GATAD2A: variants seen among roughly 807,000 people sequenced by gnomAD.
GATAD2A encodes GATA zinc finger domain containing 2A, also known as transcriptional repressor p66-alpha.
A neutral mutation model predicts 68.5 loss-of-function variants in GATAD2A; 12 were observed. The ratio of observed to expected loss-of-function variants is 0.18; its 90% CI spans 0.11 to 0.28. GATAD2A has a LOEUF of 0.28. GATAD2A is among the 10% of genes least tolerant of loss of function. GATAD2A has a pLI of 1.00. For synonymous variants in GATAD2A, 410 were observed against 375.3 expected, an observed-to-expected ratio of 1.09 and a Z score of -1.07; for missense variants, 755 against 868.5, an observed-to-expected ratio of 0.87 and a Z score of 1.64.
intron 1 of GATAD2A, among the ~76,000 whole-genome samples, chr19:19,431,480 C>T (rs566467404): frequency 6.0e-4 from 90 of 150,736 alleles, no homozygotes; most frequent in African/African-American, 1.9e-3. Context: ...TGGAACACAA[C>T]GTAAGGAGTT....
intron 2 of GATAD2A, among the ~76,000 whole-genome samples, chr19:19,486,236 A>G (rs1488392413): frequency 1.3e-5 from 2 of 152,242 alleles, no homozygotes; most frequent in Admixed American, 6.5e-5. Flanking sequence ...CAGGTCAGGC[A>G]GATGTTTCAG....
At chr19:19,469,449 G>GAAAA (rs1379967861) in intron 2 of GATAD2A, among the ~76,000 whole-genome samples, 1 of 130,158 alleles carries the variant, frequency 7.7e-6, no homozygotes, top group Non-Finnish European at 1.7e-5. Flanking sequence ...AAGAAAAAAA[G>GAAAA]ATCATCAGAA....
intron 1 of GATAD2A, among the ~76,000 whole-genome samples, chr19:19,432,777 A>T (rs919556496): frequency 2.6e-5 from 4 of 152,236 alleles, no homozygotes; most frequent in African/African-American, 9.6e-5. Flanking sequence ...CAGAGTGAGC[A>T]GGCTGAAGTG....
upstream of GATAD2A, among the ~76,000 whole-genome samples, chr19:19,401,466 G>A (rs2049742898): frequency 6.6e-6 from 1 of 151,986 alleles, no homozygotes; most frequent in South Asian, 2.1e-4. Context: ...ACCCTCCTTG[G>A]CCTCCCAAAG....
chr19:19,465,739 G>T, intron 2 of GATAD2A, 125 bp downstream of exon 2: 1 of 1,138,432 alleles, frequency 8.8e-7, no homozygotes, highest in Non-Finnish European at 1.2e-6. Context: ...AGGGCTGTAG[G>T]CTCAGCTCGG....
chr19:19,470,657 G>C, intron 2 of GATAD2A, among the ~76,000 whole-genome samples: 1 of 152,084 alleles, frequency 6.6e-6, no homozygotes, highest in East Asian at 1.9e-4. Context: ...AGAATACCTG[G>C]TGAATGCAGA....
intron 1 of GATAD2A, among the ~76,000 whole-genome samples, chr19:19,437,256 G>C (rs1041148195): frequency 3.3e-5 from 5 of 152,096 alleles, no homozygotes; most frequent in Non-Finnish European, 7.3e-5. Flanking sequence ...TCAGGCTCCT[G>C]AATAGCTGGG....
At chr19:19,439,498 G>A (rs189564442) in intron 1 of GATAD2A, among the ~76,000 whole-genome samples, 34 of 152,158 alleles carry the variant, frequency 2.2e-4, no homozygotes, top group South Asian at 2.1e-3. Flanking sequence ...AGGTAGTGCC[G>A]TGGTAGTTGC....
chr19:19,498,716 A>G lies in GATAD2A; in HGVS notation c.1198A>G (p.Thr400Ala). 6.2e-7 allele frequency: 1 copy of G among 1,606,706 alleles called. No individual in the cohort carries two copies. Among genetic ancestry groups the G allele is most frequent in the African/African-American group, 1.3e-5 (1 of 74,932 alleles). ...GGAGGTGGTGCAGAACCTACTGGAG[A>G]CACAAGGTGAGTGGCCTGGACCCAG... is the stretch of plus-strand genomic sequence containing the variant. ...LEEVVQNLLE[T>A]QAGRMSAATV... The change falls in exon 8 of 12, where the codon ACA (threonine) becomes GCA (alanine). Residue 400 changes from threonine to alanine, a missense_variant. Physicochemically the swap from Thr to Ala is moderately conservative, Grantham distance 58. Coordinates refer to ENST00000683918, the MANE Select transcript of GATAD2A (RefSeq NM_001384528.1).
chr19:19,425,904 G>A (rs1346615785), intron 1 of GATAD2A, among the ~76,000 whole-genome samples: 2 of 151,670 alleles, frequency 1.3e-5, no homozygotes, highest in Admixed American at 1.3e-4. Flanking sequence ...ATCTTCCCAT[G>A]TCAGCCTCTA....
chr19:19,496,537 C>T (rs537945253), intron 7 of GATAD2A, among the ~76,000 whole-genome samples: 3 of 152,348 alleles, frequency 2.0e-5, no homozygotes, highest in South Asian at 4.1e-4. Context: ...ATGTGGCACA[C>T]AGCAGGTTTA....
intron 1 of GATAD2A, among the ~76,000 whole-genome samples, chr19:19,410,099 G>A (rs577128620): frequency 2.6e-5 from 4 of 152,136 alleles, no homozygotes; most frequent in Admixed American, 6.5e-5. Flanking sequence ...TCCTCTGTAC[G>A]CTGTACCCCC....
intron 1 of GATAD2A, among the ~76,000 whole-genome samples, chr19:19,443,402 A>T (rs1466449073): frequency 6.6e-6 from 1 of 152,224 alleles, no homozygotes; most frequent in African/African-American, 2.4e-5. Flanking sequence ...CTCTTTGAGC[A>T]TACGATTGTG....
chr19:19,435,505 G>C (rs536438080), intron 1 of GATAD2A, among the ~76,000 whole-genome samples: 2 of 152,174 alleles, frequency 1.3e-5, no homozygotes, highest in South Asian at 2.1e-4. Flanking sequence ...GACTACAGGC[G>C]TGAGCCACTG....
chr19:19,470,702 T>C (rs1358103920), intron 2 of GATAD2A, among the ~76,000 whole-genome samples: 4 of 152,110 alleles, frequency 2.6e-5, no homozygotes, highest in African/African-American at 7.2e-5. Context: ...ACGTTCTCTG[T>C]TGATCATACA....
chr19:19,501,310 C>T lies in GATAD2A; in HGVS notation c.1397C>T (p.Ala466Val), dbSNP rs777733079. 5 of 1,612,948 alleles carry T rather than the reference C, an allele frequency of 3.1e-6. No individual in the cohort carries two copies. Among genetic ancestry groups the T allele is most frequent in the Non-Finnish European group, 4.2e-6 (5 of 1,179,930 alleles). Residue 466 changes from alanine (A) to valine (V), a missense_variant, in exon 9 of 12, where the codon GCG (alanine) becomes GTG (valine). Coordinates refer to ENST00000683918, the MANE Select transcript of GATAD2A (RefSeq NM_001384528.1). ...TSRLKAAFVK[A>V]LQQEQEIEQR... ...CGGCTGAAGGCCGCCTTTGTGAAGG[C>T]GCTGCAGCAGGAACAGGAGATTGAG...
At chr19:19,421,524 G>A (rs1182129892) in intron 1 of GATAD2A, among the ~76,000 whole-genome samples, 1 of 152,176 alleles carries the variant, frequency 6.6e-6, no homozygotes, top group African/African-American at 2.4e-5. Context: ...GCTTCTCTGG[G>A]TTGGATGGCT....
At chr19:19,443,367 A>G (rs924314220) in intron 1 of GATAD2A, among the ~76,000 whole-genome samples, 7 of 152,294 alleles carry the variant, frequency 4.6e-5, no homozygotes, top group South Asian at 2.1e-4. Flanking sequence ...AAAACCAACA[A>G]TGGGAAACAG....
intron 2 of GATAD2A, among the ~76,000 whole-genome samples, chr19:19,482,642 G>C (rs1288799861): frequency 1.3e-5 from 2 of 152,176 alleles, no homozygotes; most frequent in African/African-American, 4.8e-5. Flanking sequence ...GGGTAATGAT[G>C]GAGCTGTGGA....
Sources: allele counts gnomAD v4.1 joint callset (sites outside exome capture counted in the v4.1 genomes callset), GRCh38; gene constraint gnomAD v4.1.1; transcripts MANE v1.5; gene names NCBI Gene and HGNC (gene_info 2026-07-23, HGNC 2026-07-21).